The following ANK1 variants were observed in gnomAD, a reference collection of about 807,000 sequenced individuals.
ANK1 encodes the protein ankyrin 1.
A neutral mutation model predicts 210.4 loss-of-function variants in ANK1; 51 were observed. The observed-to-expected ratio is 0.24, with a 90% CI of 0.19 to 0.31. The LOEUF (loss-of-function observed/expected upper bound fraction) is 0.31. Among genes scored for constraint, ANK1 ranks in the 10% least tolerant of loss-of-function variants. The probability of loss-of-function intolerance (pLI) is 1.00; values close to 1 mark genes in which losing one functional copy is unlikely to be tolerated. For synonymous variants in ANK1, 967 were observed against 1,025.9 expected (o/e 0.94, Z 1.10); for missense variants, 2,051 against 2,504.4 (o/e 0.82, Z 3.86).
intron 9 of ANK1, among the ~76,000 whole-genome samples, chr8:41,721,486 A>G (rs1829241937): frequency 6.6e-6 from 1 of 151,866 alleles, no homozygotes; most frequent in Non-Finnish European, 1.5e-5. Flanking sequence ...GTGAATCCCC[A>G]TCTCTACTAA....
chr8:41,854,289 G>A (rs1451328390), intron 1 of ANK1, among the ~76,000 whole-genome samples: 3 of 152,164 alleles, frequency 2.0e-5, no homozygotes, highest in Non-Finnish European at 4.4e-5. Context: ...CTCAGCTTAT[G>A]TAACTGCTTG....
chr8:41,851,260 C>T (rs1318302426), intron 1 of ANK1, among the ~76,000 whole-genome samples: 1 of 152,222 alleles, frequency 6.6e-6, no homozygotes, highest in African/African-American at 2.4e-5. Flanking sequence ...TCTCTTCCTC[C>T]CTTGAAGCTT....
intron 1 of ANK1, among the ~76,000 whole-genome samples, chr8:41,886,074 G>A (rs559679696): frequency 3.3e-5 from 5 of 152,252 alleles, no homozygotes; most frequent in South Asian, 2.1e-4. Context: ...AGTCTCATTC[G>A]GGATTAAAGA....
At position 41,750,576 on chromosome 8, in the gene ANK1, T is replaced by C. The variant is rs560124368; in HGVS notation, c.129+7460A>G. On this transcript the variant is annotated intron_variant, in intron 2 of 42. Transcript: ENST00000289734. Reference sequence around the variant, plus strand: ...AAACAACATTGCTGCTTTTTTTTTTTCCACACAGTCTGTCAACTGGGTTTA... The same window carrying C: ...AAACAACATTGCTGCTTTTTTTTTTCCCACACAGTCTGTCAACTGGGTTTA... Among the ~76,000 whole-genome samples, 193 of 149,796 alleles carry C rather than the reference T, an allele frequency of 1.3e-3. 2 individuals are homozygous for C. Among genetic ancestry groups the C allele is most frequent in the Non-Finnish European group, 1.8e-3 (124 of 67,210 alleles).
intron 2 of ANK1, among the ~76,000 whole-genome samples, chr8:41,747,109 AAT>A (rs1449618519): frequency 6.6e-6 from 1 of 152,208 alleles, no homozygotes; most frequent in African/African-American, 2.4e-5. Flanking sequence ...CAGAAAAAGT[AAT>A]ATGCCAAGAT....
At chr8:41,708,535 T>C (rs1283741171) in intron 17 of ANK1, among the ~76,000 whole-genome samples, 1 of 152,238 alleles carries the variant, frequency 6.6e-6, no homozygotes, top group Non-Finnish European at 1.5e-5. Context: ...TCAATCTGTT[T>C]AGAAAGATCG....
chr8:41,659,082 G>A (rs111871360), intron 42 of ANK1, among the ~76,000 whole-genome samples: 151 of 152,248 alleles, frequency 9.9e-4, no homozygotes, highest in Admixed American at 8.0e-3. Flanking sequence ...GTTTCAAGAC[G>A]CCTTATGTAA....
At chr8:41,895,490 G>A (rs1334712912) in intron 1 of ANK1, among the ~76,000 whole-genome samples, 3 of 152,164 alleles carry the variant, frequency 2.0e-5, no homozygotes, top group Non-Finnish European at 4.4e-5. Context: ...GAGGACCCCA[G>A]ACCCCAAAAG....
At chr8:41,770,960 G>A (rs940076171) in intron 1 of ANK1, among the ~76,000 whole-genome samples, 1 of 152,194 alleles carries the variant, frequency 6.6e-6, no homozygotes, top group East Asian at 1.9e-4. Flanking sequence ...AGACAGCTTG[G>A]TTCTCATGTT....
At chr8:41,691,069 T>TA (rs34343777) in intron 31 of ANK1, among the ~76,000 whole-genome samples, 1 of 151,976 alleles carries the variant, frequency 6.6e-6, no homozygotes, top group Non-Finnish European at 1.5e-5. Flanking sequence ...CAAATTTTTT[T>TA]AAAAAAACTA....
At chr8:41,663,934 T>A (rs1019039241) in intron 39 of ANK1, 192 bp from the exon 40 acceptor site, 1 of 667,712 alleles carries the variant, frequency 1.5e-6, no homozygotes. Flanking sequence ...CCCCTGAGGG[T>A]CTGGGAGGCC....
At chr8:41,681,769 C>T (rs1038754647) in intron 37 of ANK1, among the ~76,000 whole-genome samples, 1 of 151,144 alleles carries the variant, frequency 6.6e-6, no homozygotes, top group Non-Finnish European at 1.5e-5. Context: ...ACTGTCCTGC[C>T]ACCTTCTCTC....
intron 2 of ANK1, among the ~76,000 whole-genome samples, chr8:41,754,076 C>T (rs1838461380): frequency 6.6e-6 from 1 of 152,170 alleles, no homozygotes; most frequent in South Asian, 2.1e-4. Flanking sequence ...TTTTGGTATG[C>T]ATATCTGTTT....
chr8:41,655,142 G>GTGTA lies in ANK1; in HGVS notation c.*647_*648insTACA, dbSNP rs1805238892. 1 of 152,392 alleles carries GTGTA rather than the reference G, an allele frequency of 6.6e-6. No individual in the cohort carries two copies. Among genetic ancestry groups the GTGTA allele is most frequent in the Non-Finnish European group, 1.5e-5 (1 of 68,522 alleles). 9.4% of individuals were successfully genotyped at this position (152,392 alleles called of 1,614,324 possible). ...GTGGAGGCGAGTGGTGTGTGTGTGT[G>GTGTA]TGTGTGTGTGTCCTGAATGTCATGT... On this transcript the variant is annotated 3_prime_UTR_variant, in exon 43 of 43. Coordinates refer to ENST00000289734, the MANE Select transcript of ANK1 (RefSeq NM_000037.4).
At chr8:41,765,471 T>C (rs569966608) in intron 1 of ANK1, among the ~76,000 whole-genome samples, 4 of 152,224 alleles carry the variant, frequency 2.6e-5, no homozygotes, top group Admixed American at 2.6e-4. Flanking sequence ...GGTCTTGAAC[T>C]CCTGGCCTCA....
At chr8:41,738,082 G>C (rs898760484) in intron 2 of ANK1, among the ~76,000 whole-genome samples, 1 of 148,804 alleles carries the variant, frequency 6.7e-6, no homozygotes, top group Non-Finnish European at 1.5e-5. Flanking sequence ...TGGCACAGAA[G>C]AGAAAAGAGT....
chr8:41,662,487 C>A lies in ANK1; in HGVS notation c.5479-546G>T, dbSNP rs1808749313. ...ATGACCAAGGTGTGACTGGGTGTGA[C>A]CTCCCCCTCGAGCCCACAGCCTTCT... On this transcript the variant is annotated intron_variant, in intron 40 of 42. Transcript: ENST00000289734. Among the ~76,000 whole-genome samples the A allele has an allele frequency of 5.3e-5, 8 of 152,320 alleles. No individual in the cohort carries two copies. The South Asian group carries it at 1.2e-3, about 24-fold the overall frequency.
At chr8:41,872,115 ATT>A (rs1815633507) in intron 1 of ANK1, among the ~76,000 whole-genome samples, 1 of 152,202 alleles carries the variant, frequency 6.6e-6, no homozygotes, top group Non-Finnish European at 1.5e-5. Flanking sequence ...GCCCAAGCTG[ATT>A]CGTGGTCTTA....
rs1808377852 is a variant in ANK1 at position 41,839,131 on chromosome 8, T to C, written c.126+57224A>G. 1.3e-5 allele frequency among the ~76,000 whole-genome samples: 2 copies of C among 152,212 alleles called. 1 individual carries two copies. The highest frequency in any genetic ancestry group is 4.1e-4 in the South Asian group (2 of 4,830). The stretch of plus-strand genomic sequence containing the variant: ...CAATGACTGTACCACCTGCACCAGT[T>C]AGTAGCCATGCTGCAGAAAGAGAAA... On this transcript the variant is annotated intron_variant, in intron 1 of 42. Transcript: ENST00000265709.
Sources: allele counts gnomAD v4.1 joint callset (sites outside exome capture counted in the v4.1 genomes callset), GRCh38; gene constraint gnomAD v4.1.1; transcripts MANE v1.5; gene names NCBI Gene and HGNC (gene_info 2026-07-23, HGNC 2026-07-21).